The following LINC00305 variants were observed in gnomAD, a reference collection of about 807,000 sequenced individuals.
LINC00305 encodes long independently transcribed non-coding RNA 305, also known as long intergenic non-protein coding RNA 305.
intron 1 of LINC00305, among the ~76,000 whole-genome samples, chr18:64,147,525 ATACT>A (rs1370375591): frequency 2.0e-5 from 3 of 152,200 alleles, no homozygotes; most frequent in Non-Finnish European, 4.4e-5. Flanking sequence ...TGATATACAA[ATACT>A]TAACTATATT....
chr18:64,122,973 C>G (rs2144260737), intron 1 of LINC00305, among the ~76,000 whole-genome samples: 1 of 151,958 alleles, frequency 6.6e-6, no homozygotes, highest in Admixed American at 6.6e-5. Flanking sequence ...GGATTGTCTT[C>G]TTGATTTGGT....
intron 3 of LINC00305, among the ~76,000 whole-genome samples, chr18:64,090,060 G>A (rs953550964): frequency 1.3e-5 from 2 of 152,140 alleles, no homozygotes; most frequent in African/African-American, 4.8e-5. Context: ...AGACATGGAT[G>A]GAAACATGCA....
Position 64,138,281 on chromosome 18 carries a change from TAA to T in LINC00305, n.314+10492_314+10493del, listed in dbSNP as rs1375775818. ...TTTTCCCCACCAAAAAGGAAAAAAATAAAAAAGTCCAGAATTGTGCTGTAGTC... is the reference window on the plus strand; with the variant it reads ...TTTTCCCCACCAAAAAGGAAAAAAATAAAAGTCCAGAATTGTGCTGTAGTC... On this transcript the variant is annotated intron_variant and non_coding_transcript_variant, in intron 1 of 3. Coordinates refer to ENST00000666468, the Ensembl canonical transcript of LINC00305. 3.9e-5 allele frequency among the ~76,000 whole-genome samples: 6 copies of T among 152,198 alleles called. No individual in the cohort carries two copies. The East Asian group carries it at 1.2e-3, about 29-fold the overall frequency.
Position 64,081,223 on chromosome 18 carries a change from G to A in LINC00305, n.541-821C>T, listed in dbSNP as rs534870022. 2.0e-5 allele frequency among the ~76,000 whole-genome samples: 3 copies of A among 152,302 alleles called. No homozygotes were observed. In the South Asian group the frequency reaches 6.2e-4, roughly 32 times the overall value. ...CTTGATTTGAAGGTAGATGTACTCT[G>A]CAAATAGAGTATATCTATCACAGAC... is the stretch of plus-strand genomic sequence containing the variant. On this transcript the variant is annotated intron_variant and non_coding_transcript_variant, in intron 3 of 3. Transcript: ENST00000666468.
chr18:64,083,236 A>T (rs1212327298), intron 3 of LINC00305, among the ~76,000 whole-genome samples: 4 of 152,120 alleles, frequency 2.6e-5, no homozygotes, highest in Admixed American at 6.5e-5. Context: ...GACAGGAGCT[A>T]TGGAGGAGCT....
intron 1 of LINC00305, among the ~76,000 whole-genome samples, chr18:64,123,556 T>C (rs1356117791): frequency 6.6e-6 from 1 of 152,082 alleles, no homozygotes; most frequent in Non-Finnish European, 1.5e-5. Context: ...CCTCAATACA[T>C]ATTCTACATG....
chr18:64,131,671 C>A (rs1040400384), intron 1 of LINC00305, among the ~76,000 whole-genome samples: 1 of 152,128 alleles, frequency 6.6e-6, no homozygotes, highest in Non-Finnish European at 1.5e-5. Flanking sequence ...TAAGGGATAG[C>A]CTATGATGGT....
chr18:64,083,027 A>T (rs927785780), intron 3 of LINC00305, among the ~76,000 whole-genome samples: 2 of 152,000 alleles, frequency 1.3e-5, no homozygotes, highest in African/African-American at 4.8e-5. Context: ...TGTATTAAAA[A>T]TTTTACTCCA....
intron 1 of LINC00305, chr18:64,147,329 CA>C (rs1329784896): frequency 1.2e-4 from 18 of 152,114 alleles, no homozygotes; most frequent in Admixed American, 2.6e-4. Flanking sequence ...CACTATTCTA[CA>C]GTAATGTTGA....
intron 3 of LINC00305, among the ~76,000 whole-genome samples, chr18:64,087,530 T>A (rs539452902): frequency 9.4e-4 from 143 of 152,364 alleles, no homozygotes; most frequent in African/African-American, 3.2e-3. Flanking sequence ...TATTGAATTC[T>A]TGACATTGTT....
intron 1 of LINC00305, chr18:64,104,175 G>A (rs1425407823): frequency 2.0e-5 from 3 of 152,204 alleles, no homozygotes; most frequent in African/African-American, 4.8e-5. Flanking sequence ...TTTCCACTGT[G>A]AGCGGCAGGT....
At chr18:64,119,662 T>C (rs1013005998) in intron 1 of LINC00305, among the ~76,000 whole-genome samples, 5 of 152,112 alleles carry the variant, frequency 3.3e-5, no homozygotes, top group Non-Finnish European at 2.9e-5. Flanking sequence ...TGATTCCTTA[T>C]AGTGAAGGAA....
chr18:64,130,193 C>T (rs1272402559), intron 1 of LINC00305, among the ~76,000 whole-genome samples: 1 of 151,960 alleles, frequency 6.6e-6, no homozygotes, highest in Non-Finnish European at 1.5e-5. Flanking sequence ...TTCTATGTAC[C>T]TTCAGTAGTT....
At chr18:64,103,568 C>T (rs1198879190) in intron 1 of LINC00305, among the ~76,000 whole-genome samples, 3 of 152,126 alleles carry the variant, frequency 2.0e-5, no homozygotes, top group Non-Finnish European at 2.9e-5. Context: ...TCATACATTT[C>T]TTAAAAATGC....
chr18:64,123,484 C>CT (rs1020237150), intron 1 of LINC00305, among the ~76,000 whole-genome samples: 4 of 152,024 alleles, frequency 2.6e-5, no homozygotes, highest in Non-Finnish European at 5.9e-5. Context: ...AATGCCCAGT[C>CT]TTTTTTTAAA....
At chr18:64,093,505 T>C (rs553828706) in intron 3 of LINC00305, among the ~76,000 whole-genome samples, 7 of 152,210 alleles carry the variant, frequency 4.6e-5, no homozygotes, top group Non-Finnish European at 4.4e-5. Context: ...CGGCTAATTT[T>C]TGTGTTTTTA....
intron 1 of LINC00305, among the ~76,000 whole-genome samples, chr18:64,129,015 A>G (rs1332362789): frequency 1.3e-5 from 2 of 152,058 alleles, no homozygotes. Flanking sequence ...CTTTTATAAA[A>G]CTTCAGTGGA....
chr18:64,148,947 A>T (rs2051511855), exon 1 of LINC00305: 1 of 152,114 alleles, frequency 6.6e-6, no homozygotes, highest in African/African-American at 2.4e-5. Context: ...GGAGAAATTA[A>T]CTCACAAGAA....
chr18:64,143,973 A>G (rs890670547), intron 1 of LINC00305, among the ~76,000 whole-genome samples: 1 of 152,146 alleles, frequency 6.6e-6, no homozygotes, highest in Non-Finnish European at 1.5e-5. Flanking sequence ...AAAGGTAAGA[A>G]GTATTCTGTT....
Sources: gnomAD v4.1 joint callset for allele counts (sites outside exome capture counted in the v4.1 genomes callset) on GRCh38, gnomAD v4.1.1 for gene constraint, MANE v1.5 for transcripts, NCBI Gene and HGNC (gene_info 2026-07-23, HGNC 2026-07-21) for gene names.